Variants in HPSE2 observed in about 807,000 individuals in gnomAD.
The protein encoded by HPSE2 is inactive heparanase-2.
A neutral mutation model predicts 60.5 loss-of-function variants in HPSE2; 38 were observed. That is an observed-to-expected ratio of 0.63 (90% CI 0.48 to 0.82). HPSE2 has a LOEUF of 0.82. Ranked by LOEUF, HPSE2 falls within the 40% of genes least tolerant of loss-of-function variation. The pLI is 0.00. For synonymous variants in HPSE2, 295 were observed against 293.2 expected, an observed-to-expected ratio of 1.01 and a Z score of -0.06; for missense variants, 713 against 740.4, an observed-to-expected ratio of 0.96 and a Z score of 0.43.
At chr10:98,882,528 T>C (rs1433790161) in intron 3 of HPSE2, among the ~76,000 whole-genome samples, 1 of 152,034 alleles carries the variant, frequency 6.6e-6, no homozygotes, top group Non-Finnish European at 1.5e-5. Context: ...TACTAGTGAC[T>C]CTCTGGGGCA....
chr10:99,040,683 T>C (rs1957717375), intron 3 of HPSE2, among the ~76,000 whole-genome samples: 1 of 152,018 alleles, frequency 6.6e-6, no homozygotes. Flanking sequence ...ATCTCTATAG[T>C]ATAGTAACAT....
chr10:99,070,868 G>A lies in HPSE2; in HGVS notation c.610+73370C>T, dbSNP rs578230796. 2.5e-4 allele frequency among the ~76,000 whole-genome samples: 38 copies of A among 152,024 alleles called. 1 individual carries two copies. The highest frequency in any genetic ancestry group is 3.4e-3 in the Middle Eastern group (1 of 294). On this transcript the variant is annotated intron_variant, in intron 3 of 11. Coordinates refer to ENST00000370552, the MANE Select transcript of HPSE2 (RefSeq NM_021828.5). ...ATTTTGTAAGGCTAAATAATATTTC[G>A]TTGTACATGTTTACTACATATTCTT...
rs547728705 is a variant in HPSE2 at position 98,974,659 on chromosome 10, C to G, written c.610+169579G>C. On this transcript the variant is annotated intron_variant, in intron 3 of 11. Transcript: ENST00000370552. ...TTACCTGGCGTTCCTACAAAAAGAT[C>G]GTGGAAAATTCTACTTGTATGTTAG... Among the ~76,000 whole-genome samples, 3 of 152,234 alleles carry G rather than the reference C, an allele frequency of 2.0e-5. No homozygotes were observed. The South Asian group carries it at 6.2e-4, about 32-fold the overall frequency.
At chr10:99,198,056 A>G (rs1848459512) in intron 2 of HPSE2, among the ~76,000 whole-genome samples, 2 of 151,702 alleles carry the variant, frequency 1.3e-5, no homozygotes, top group African/African-American at 2.4e-5. Flanking sequence ...CAACAGAGCA[A>G]GACTCCGTCT....
chr10:98,952,979 A>G (rs950674285), intron 3 of HPSE2, among the ~76,000 whole-genome samples: 4 of 152,170 alleles, frequency 2.6e-5, no homozygotes, highest in African/African-American at 9.7e-5. Flanking sequence ...ATTCAGTCCA[A>G]AGCAGTAGTG....
chr10:99,059,625 G>T (rs763206965), intron 3 of HPSE2, among the ~76,000 whole-genome samples: 2 of 151,880 alleles, frequency 1.3e-5, no homozygotes, highest in Non-Finnish European at 1.5e-5. Context: ...AAATAAATCA[G>T]CATATCTATC....
chr10:99,271,261 TA>T, the HPSE2 span, among the ~76,000 whole-genome samples: 1 of 152,190 alleles, frequency 6.6e-6, no homozygotes, highest in African/African-American at 2.4e-5. Flanking sequence ...AAAAAGCTCC[TA>T]GAGCTAGTAA....
At chr10:99,252,484 C>A in the HPSE2 span, among the ~76,000 whole-genome samples, 4,186 of 152,170 alleles carry the variant, frequency 0.028, 191 homozygotes, top group African/African-American at 0.095. Context: ...TTTCAGGATA[C>A]AAAATCAATG....
intron 9 of HPSE2, among the ~76,000 whole-genome samples, chr10:98,558,472 T>C (rs964762832): frequency 6.6e-6 from 1 of 152,186 alleles, no homozygotes; most frequent in African/African-American, 2.4e-5. Flanking sequence ...TATGGATGCT[T>C]CCCACAAATA....
At chr10:98,819,186 G>A (rs11189833) in intron 3 of HPSE2, among the ~76,000 whole-genome samples, 26,100 of 150,390 alleles carry the variant, frequency 0.17, 2,517 homozygotes, top group African/African-American at 0.24. Flanking sequence ...ACCTACAGGC[G>A]ATCTTTCAAT....
intron 3 of HPSE2, among the ~76,000 whole-genome samples, chr10:98,830,424 C>G (rs1401821134): frequency 6.6e-6 from 1 of 152,128 alleles, no homozygotes; most frequent in Non-Finnish European, 1.5e-5. Context: ...ATATATCATG[C>G]CTTCCTCTAC....
At chr10:98,693,849 T>C in intron 6 of HPSE2, 51 bp downstream of exon 6, 2 of 1,326,962 alleles carry the variant, frequency 1.5e-6, no homozygotes, top group Non-Finnish European at 2.2e-6. Flanking sequence ...TAATTATCTT[T>C]CATTTCACAG....
intron 2 of HPSE2, among the ~76,000 whole-genome samples, chr10:99,203,106 C>T (rs1848630173): frequency 6.6e-6 from 1 of 152,118 alleles, no homozygotes; most frequent in Non-Finnish European, 1.5e-5. Flanking sequence ...CAGATTCAGT[C>T]TCCAGGCCCA....
chr10:98,781,287 C>CT lies in HPSE2; in HGVS notation c.611-37232dup, dbSNP rs1247238028. 4.6e-3 allele frequency among the ~76,000 whole-genome samples: 613 copies of CT among 132,514 alleles called. 4 individuals are homozygous for CT. Among genetic ancestry groups the CT allele is most frequent in the African/African-American group, 0.013 (446 of 33,562 alleles). The allele number at this position is 132,514 out of a possible 152,430, so 86.9% of individuals were successfully genotyped here. ...AAGAAAAACACCCATATATCCACTT[C>CT]TTTTTTTTTTTTTTTTTTTATTTTT... On this transcript the variant is annotated intron_variant, in intron 3 of 11. Transcript: ENST00000370552.
At chr10:99,129,815 A>AC (rs1164989560) in intron 3 of HPSE2, among the ~76,000 whole-genome samples, 1 of 151,430 alleles carries the variant, frequency 6.6e-6, no homozygotes, top group East Asian at 1.9e-4. Flanking sequence ...AAACCAAAAA[A>AC]AAAAAAAGAT....
At chr10:98,815,810 T>A (rs532509070) in intron 3 of HPSE2, among the ~76,000 whole-genome samples, 4 of 152,202 alleles carry the variant, frequency 2.6e-5, no homozygotes, top group African/African-American at 9.6e-5. Context: ...TATCGTTCTA[T>A]GTTAGAGTTG....
chr10:98,941,162 A>G lies in HPSE2; in HGVS notation c.611-197106T>C, dbSNP rs1423636076. 1.2e-3 allele frequency among the ~76,000 whole-genome samples: 162 copies of G among 139,582 alleles called. 5 individuals are homozygous for G. The highest frequency in any genetic ancestry group is 3.0e-5 in the Non-Finnish European group (2 of 66,076). The allele number at this position is 139,582 out of a possible 152,430, so 91.6% of individuals were successfully genotyped here. A position where few individuals can be genotyped will look rare whatever the true frequency, so the allele number is the denominator to read the frequency against. On this transcript the variant is annotated intron_variant, in intron 3 of 11. Transcript: ENST00000370552. The stretch of plus-strand genomic sequence containing the variant: ...GCAAAAACTGGAAGCAATCCCTTAG[A>G]AAACTGGCACAAGACAGGGATGCCC...
At chr10:98,794,177 A>T (rs837728) in intron 3 of HPSE2, among the ~76,000 whole-genome samples, 1 of 151,896 alleles carries the variant, frequency 6.6e-6, no homozygotes, top group Non-Finnish European at 1.5e-5. Flanking sequence ...CTTAAACTTC[A>T]CTAATGGCCC....
At chr10:99,124,993 C>A (rs1375687074) in intron 3 of HPSE2, among the ~76,000 whole-genome samples, 2 of 152,180 alleles carry the variant, frequency 1.3e-5, no homozygotes, top group African/African-American at 4.8e-5. Flanking sequence ...TGGAGTGTCC[C>A]AAAAGATGAC....
Sources: gnomAD v4.1 joint callset for allele counts (sites outside exome capture counted in the v4.1 genomes callset) on GRCh38, gnomAD v4.1.1 for gene constraint, MANE v1.5 for transcripts, NCBI Gene and HGNC (gene_info 2026-07-23, HGNC 2026-07-21) for gene names.